Variants in UVRAG observed in about 807,000 individuals in gnomAD.
UVRAG encodes UV radiation resistance associated.
In UVRAG, 19 loss-of-function variants were observed where a neutral mutation model predicts 78.0. That is an observed-to-expected ratio of 0.24 (90% CI 0.17 to 0.36). UVRAG has a LOEUF of 0.36. Ranked by LOEUF, UVRAG falls within the 10% of genes least tolerant of loss-of-function variation. The pLI, the probability that UVRAG is intolerant of heterozygous loss-of-function variation, is 1.00. For synonymous variants in UVRAG, 323 were observed against 324.6 expected (o/e 1.00, Z 0.05); for missense variants, 740 against 853.8 (o/e 0.87, Z 1.66).
At chr11:75,817,088 A>G (rs1945276189) in intron 1 of UVRAG, among the ~76,000 whole-genome samples, 1 of 152,070 alleles carries the variant, frequency 6.6e-6, no homozygotes, top group African/African-American at 2.4e-5. Context: ...AGATACAGGG[A>G]GAGGGTAGAA....
intron 6 of UVRAG, among the ~76,000 whole-genome samples, chr11:75,951,149 C>T (rs953408128): frequency 4.6e-5 from 7 of 152,002 alleles, no homozygotes; most frequent in Admixed American, 1.3e-4. Flanking sequence ...TTAGCTTTTA[C>T]ATTTAGGTCC....
At chr11:75,879,069 G>A (rs1014447050) in intron 3 of UVRAG, among the ~76,000 whole-genome samples, 1 of 152,030 alleles carries the variant, frequency 6.6e-6, no homozygotes, top group Non-Finnish European at 1.5e-5. Flanking sequence ...CTCCCTGGAC[G>A]GTTCTCTTAA....
At chr11:75,939,494 C>T (rs765991919) in intron 6 of UVRAG, among the ~76,000 whole-genome samples, 3 of 152,050 alleles carry the variant, frequency 2.0e-5, no homozygotes, top group South Asian at 2.1e-4. Context: ...TTGGCCTTCC[C>T]GTTGAATGTC....
At chr11:76,052,562 A>G (rs1254731125) in intron 12 of UVRAG, among the ~76,000 whole-genome samples, 2 of 152,204 alleles carry the variant, frequency 1.3e-5, no homozygotes, top group East Asian at 3.8e-4. Context: ...CCATATTATC[A>G]GCGCTACCTA....
At chr11:76,125,223 T>C (rs1173419657) in intron 14 of UVRAG, among the ~76,000 whole-genome samples, 1 of 152,230 alleles carries the variant, frequency 6.6e-6, no homozygotes, top group Non-Finnish European at 1.5e-5. Context: ...GGCTCGCCTT[T>C]GAGAGCATTT....
At chr11:76,115,864 A>C (rs770735236) in intron 13 of UVRAG, 60 bp from the exon 14 acceptor site, 1 of 1,504,322 alleles carries the variant, frequency 6.6e-7, no homozygotes, top group East Asian at 2.3e-5. Flanking sequence ...TTAGTGGTTC[A>C]TTTTTCCGAA....
intron 13 of UVRAG, among the ~76,000 whole-genome samples, chr11:76,112,229 C>T (rs933672872): frequency 6.6e-6 from 1 of 152,102 alleles, no homozygotes; most frequent in East Asian, 1.9e-4. Flanking sequence ...GGATCAGGAA[C>T]CAGCATGTTA....
rs1032360145 is a variant in UVRAG at position 76,030,045 on chromosome 11, G to A, written c.1226+13065G>A. 3.3e-5 allele frequency among the ~76,000 whole-genome samples: 5 copies of A among 151,840 alleles called. 1 individual carries two copies. Among genetic ancestry groups the A allele is most frequent in the Non-Finnish European group, 7.4e-5 (5 of 67,978 alleles). On this transcript the variant is annotated intron_variant, in intron 12 of 14. Coordinates refer to ENST00000356136, the MANE Select transcript of UVRAG (RefSeq NM_003369.4). ...TATGTTTTTAAACTAAGATACGTACGTTGTTTTAAACTATATATTTTGTAT... is the reference window on the plus strand; with the variant it reads ...TATGTTTTTAAACTAAGATACGTACATTGTTTTAAACTATATATTTTGTAT...
At chr11:75,953,881 G>A (rs1948748580) in intron 6 of UVRAG, among the ~76,000 whole-genome samples, 2 of 152,116 alleles carry the variant, frequency 1.3e-5, no homozygotes, top group South Asian at 2.1e-4. Flanking sequence ...TCAGCTTGAG[G>A]ATGTTAGTGT....
chr11:76,124,132 TG>T (rs1952341483), intron 14 of UVRAG, among the ~76,000 whole-genome samples: 1 of 152,252 alleles, frequency 6.6e-6, no homozygotes, highest in African/African-American at 2.4e-5. Flanking sequence ...GCATAGTTTT[TG>T]TAGGCCAAAT....
intron 4 of UVRAG, among the ~76,000 whole-genome samples, chr11:75,886,852 A>AT (rs111413713): frequency 0.13 from 18,470 of 144,478 alleles, 2,072 homozygotes; most frequent in African/African-American, 0.31. Context: ...CGGCAGAAGA[A>AT]TTTTTTTTTT....
chr11:75,842,401 G>A (rs1368283214), intron 1 of UVRAG, among the ~76,000 whole-genome samples: 1 of 150,024 alleles, frequency 6.7e-6, no homozygotes, highest in African/African-American at 2.4e-5. Context: ...TCATTGACTA[G>A]TTCCATTACT....
In UVRAG at chr11:76,138,326, A is replaced by T. The variant is rs147134109; in HGVS notation, c.1398-2385A>T. Among the ~76,000 whole-genome samples, 359 of 152,278 alleles carry T rather than the reference A, an allele frequency of 2.4e-3. 2 individuals are homozygous for T. The highest frequency in any genetic ancestry group is 8.3e-3 in the African/African-American group (345 of 41,558). On this transcript the variant is annotated intron_variant, in intron 14 of 14. Coordinates refer to ENST00000356136, the MANE Select transcript of UVRAG (RefSeq NM_003369.4). ...AAACCACATGACCCACCACCTGCCT[A>T]TCTTCCTCACAGGACACTCGAGGGC...
At chr11:76,024,173 C>T (rs1007025679) in intron 12 of UVRAG, among the ~76,000 whole-genome samples, 5 of 152,116 alleles carry the variant, frequency 3.3e-5, no homozygotes, top group African/African-American at 9.7e-5. Flanking sequence ...AATCACTTTG[C>T]GAGCTTGCAG....
At chr11:75,918,044 C>T (rs1947896186) in intron 6 of UVRAG, among the ~76,000 whole-genome samples, 1 of 152,024 alleles carries the variant, frequency 6.6e-6, no homozygotes, top group Admixed American at 6.5e-5. Flanking sequence ...TCCTTACAAT[C>T]TTTTACACTG....
rs141934677 is a variant in UVRAG, at chr11:76,065,717, C to T, written c.1234C>T (p.Leu412=). 8.7e-6 allele frequency: 14 copies of T among 1,613,598 alleles called. No individual in the cohort carries two copies. The highest frequency in any genetic ancestry group is 1.1e-5 in the Non-Finnish European group (13 of 1,179,892). The stretch of plus-strand genomic sequence containing the variant: ...CTTTTTTACCTTTCTTAGGTTTCCA[C>T]TGTATCCAAAAGGAGGGGAGAAGTT... ...KLTEKEREFP[L]YPKGGEKLQF... is the part of the protein sequence containing the mutation. The change falls in exon 13 of 15, where the codon CTG becomes TTG. Residue 412 remains leucine (L), a synonymous_variant. Transcript: ENST00000356136.
At chr11:75,985,298 T>A (rs1949477742) in intron 8 of UVRAG, among the ~76,000 whole-genome samples, 1 of 152,054 alleles carries the variant, frequency 6.6e-6, no homozygotes, top group Non-Finnish European at 1.5e-5. Flanking sequence ...TAGTCTTTCA[T>A]ATGTTATAAA....
intron 13 of UVRAG, among the ~76,000 whole-genome samples, chr11:76,067,724 C>T (rs910135473): frequency 4.0e-5 from 6 of 151,854 alleles, no homozygotes. Flanking sequence ...TGCCAGTGCA[C>T]TTCCAGCCTG....
At chr11:75,934,496 A>G (rs1319611883) in intron 6 of UVRAG, among the ~76,000 whole-genome samples, 1 of 152,196 alleles carries the variant, frequency 6.6e-6, no homozygotes, top group Non-Finnish European at 1.5e-5. Flanking sequence ...AAAAATAACT[A>G]AAAGTATAAT....
Sources: gnomAD v4.1 joint callset for allele counts (sites outside exome capture counted in the v4.1 genomes callset) on GRCh38, gnomAD v4.1.1 for gene constraint, MANE v1.5 for transcripts, NCBI Gene and HGNC (gene_info 2026-07-23, HGNC 2026-07-21) for gene names.